ASTN2: variants seen among roughly 807,000 people sequenced by gnomAD.
ASTN2 encodes astrotactin-2.
ASTN2 carries 54 observed loss-of-function variants against 139.8 expected under a neutral mutation model. The observed-to-expected ratio is 0.39, with a 90% CI of 0.31 to 0.48. The LOEUF (loss-of-function observed/expected upper bound fraction) is 0.48, where lower values mean the gene tolerates loss of function less well. Ranked by LOEUF, ASTN2 falls within the 20% of genes least tolerant of loss-of-function variation. The pLI is 0.95. For missense variants in ASTN2, 1,565 were observed against 1,725.1 expected (o/e 0.91, Z 1.64); for synonymous variants, 756 against 719.5 (o/e 1.05, Z -0.81).
intron 2 of ASTN2, among the ~76,000 whole-genome samples, chr9:117,234,404 A>C (rs1204971629): frequency 6.6e-6 from 1 of 152,104 alleles, no homozygotes; most frequent in Non-Finnish European, 1.5e-5. Context: ...TGAACCGGCC[A>C]TGTGTCTCCT....
intron 11 of ASTN2, among the ~76,000 whole-genome samples, chr9:116,829,173 G>A (rs150086767): frequency 6.6e-6 from 1 of 151,810 alleles, no homozygotes; most frequent in Non-Finnish European, 1.5e-5. Flanking sequence ...AAATTCATCT[G>A]TAACTAGAAC....
At chr9:117,306,216 C>T (rs1178997504) in intron 1 of ASTN2, among the ~76,000 whole-genome samples, 1 of 152,166 alleles carries the variant, frequency 6.6e-6, no homozygotes, top group African/African-American at 2.4e-5. Flanking sequence ...TTAGAGTAGA[C>T]TTTGTCAACT....
At chr9:116,506,590 C>T (rs772940844) in intron 19 of ASTN2, among the ~76,000 whole-genome samples, 6 of 152,018 alleles carry the variant, frequency 3.9e-5, no homozygotes, top group Admixed American at 1.3e-4. Context: ...AGCAGGCAGA[C>T]CAGCCACTAG....
chr9:116,813,976 C>T (rs189533751), intron 12 of ASTN2, among the ~76,000 whole-genome samples: 4 of 145,374 alleles, frequency 2.8e-5, no homozygotes, highest in Non-Finnish European at 6.0e-5. Flanking sequence ...GAGGTGGTTG[C>T]GGTGAACTGA....
chr9:117,131,783 G>A (rs1829833632), intron 4 of ASTN2, among the ~76,000 whole-genome samples: 1 of 152,098 alleles, frequency 6.6e-6, no homozygotes, highest in South Asian at 2.1e-4. Context: ...CTGAACCAAT[G>A]TATACCTTAC....
intron 19 of ASTN2, among the ~76,000 whole-genome samples, chr9:116,586,812 T>TCACACACACACACACACACACACA (rs141414264): frequency 4.1e-4 from 33 of 79,954 alleles, no homozygotes; most frequent in African/African-American, 2.1e-3. Flanking sequence ...CAGTTGAAAT[T>TCACACACACACACACACACACACA]CACACACACA....
Position 116,500,499 on chromosome 9 carries a change from C to G in ASTN2, c.3356-12999G>C, listed in dbSNP as rs1007888754. On this transcript the variant is annotated intron_variant, in intron 19 of 22. Coordinates refer to ENST00000313400, the MANE Select transcript of ASTN2 (RefSeq NM_001365068.1). ...GACTAATACAGGCTTACAGCCACCC[C>G]CTGCAGTGGCTAACAAGGAACCCAC... 3.3e-5 allele frequency among the ~76,000 whole-genome samples: 5 copies of G among 152,210 alleles called. No individual in the cohort carries two copies. In the South Asian group the frequency reaches 1.0e-3, roughly 31 times the overall value.
chr9:117,089,155 G>A (rs1828640552), intron 5 of ASTN2, among the ~76,000 whole-genome samples: 1 of 152,276 alleles, frequency 6.6e-6, no homozygotes, highest in Non-Finnish European at 1.5e-5. Context: ...AACTACAACG[G>A]GGCTCAGTCT....
At chr9:117,131,441 T>C (rs746700423) in intron 4 of ASTN2, among the ~76,000 whole-genome samples, 1 of 152,194 alleles carries the variant, frequency 6.6e-6, no homozygotes, top group East Asian at 1.9e-4. Flanking sequence ...CCCCAAAATA[T>C]ATTTTCTTGA....
chr9:116,728,912 T>C (rs1828703841), intron 15 of ASTN2, 80 bp downstream of exon 15: 1 of 1,171,950 alleles, frequency 8.5e-7, no homozygotes, highest in African/African-American at 1.5e-5. Flanking sequence ...TGCTCTCATA[T>C]GCCCTGGCAC....
At chr9:116,496,542 A>T (rs1849675297) in intron 19 of ASTN2, among the ~76,000 whole-genome samples, 1 of 152,014 alleles carries the variant, frequency 6.6e-6, no homozygotes, top group African/African-American at 2.4e-5. Flanking sequence ...ATTCTGCAAG[A>T]CCCTTTTAAG....
chr9:117,236,415 G>T (rs569509738), intron 2 of ASTN2, among the ~76,000 whole-genome samples: 17 of 152,244 alleles, frequency 1.1e-4, no homozygotes, highest in Admixed American at 8.5e-4. Flanking sequence ...CAGTAGATGG[G>T]CATTGGAAAA....
chr9:116,921,691 T>C (rs1834613589), intron 10 of ASTN2, among the ~76,000 whole-genome samples: 1 of 151,726 alleles, frequency 6.6e-6, no homozygotes, highest in South Asian at 2.1e-4. Flanking sequence ...CTCAGGAAAC[T>C]TACAATCGTG....
chr9:116,634,417 C>A (rs111546860), intron 17 of ASTN2, among the ~76,000 whole-genome samples: 47 of 151,182 alleles, frequency 3.1e-4, no homozygotes, highest in Admixed American at 6.6e-4. Context: ...GGTGAAACCC[C>A]GTCTCTACTA....
At chr9:117,013,484 ATAT>A (rs113323449) in intron 6 of ASTN2, among the ~76,000 whole-genome samples, 23,089 of 93,726 alleles carry the variant, frequency 0.25, 2,092 homozygotes, top group South Asian at 0.34. Context: ...ATATATATAT[ATAT>A]TTTTTTTTTT....
At chr9:116,675,835 T>C (rs984900207) in intron 16 of ASTN2, among the ~76,000 whole-genome samples, 8 of 152,166 alleles carry the variant, frequency 5.3e-5, no homozygotes, top group Admixed American at 2.0e-4. Context: ...CCATTGTGAA[T>C]TGCCATTTAG....
At chr9:117,084,930 T>G (rs1665126269) in intron 5 of ASTN2, among the ~76,000 whole-genome samples, 1 of 152,216 alleles carries the variant, frequency 6.6e-6, no homozygotes, top group South Asian at 2.1e-4. Context: ...TGAGATTTAT[T>G]TAGGCTAAAG....
chr9:116,772,072 C>T (rs1463060546), intron 13 of ASTN2, among the ~76,000 whole-genome samples: 1 of 152,226 alleles, frequency 6.6e-6, no homozygotes, highest in East Asian at 1.9e-4. Flanking sequence ...CTCTTTTAAA[C>T]ATCAGAATCC....
At chr9:116,684,453 T>C (rs942416666) in intron 16 of ASTN2, among the ~76,000 whole-genome samples, 4 of 152,174 alleles carry the variant, frequency 2.6e-5, no homozygotes, top group African/African-American at 9.7e-5. Flanking sequence ...CCTAAATTAT[T>C]TGTGGGTTGG....
Sources: gnomAD v4.1 joint callset for allele counts (sites outside exome capture counted in the v4.1 genomes callset) on GRCh38, gnomAD v4.1.1 for gene constraint, MANE v1.5 for transcripts, NCBI Gene and HGNC (gene_info 2026-07-23, HGNC 2026-07-21) for gene names.